The following ASCC2 variants were observed in gnomAD, a reference collection of about 807,000 sequenced individuals.
The protein encoded by ASCC2 is activating signal cointegrator 1 complex subunit 2.
In ASCC2, 42 loss-of-function variants were observed where a neutral mutation model predicts 93.5. The ratio of observed to expected loss-of-function variants is 0.45; its 90% CI spans 0.35 to 0.58. ASCC2 has a LOEUF of 0.58. Ranked by LOEUF, ASCC2 falls within the 20% of genes least tolerant of loss-of-function variation. The pLI, the probability that ASCC2 is intolerant of heterozygous loss-of-function variation, is 0.00. For synonymous variants in ASCC2, 364 were observed against 384.2 expected, an observed-to-expected ratio of 0.95 and a Z score of 0.62; for missense variants, 859 against 977.6, an observed-to-expected ratio of 0.88 and a Z score of 1.62.
chr22:29,812,272 G>A (rs2147927727), intron 8 of ASCC2, among the ~76,000 whole-genome samples: 1 of 152,298 alleles, frequency 6.6e-6, no homozygotes, highest in South Asian at 2.1e-4. Context: ...TCTTGCTAGA[G>A]TGACAATCAG....
At chr22:29,832,194 A>G in intron 2 of ASCC2, 51 bp downstream of exon 2, 1 of 1,507,542 alleles carries the variant, frequency 6.6e-7, no homozygotes, top group Non-Finnish European at 9.2e-7. Context: ...TTGCTCCTGA[A>G]ATTGCAAGAC....
Position 29,792,432 on chromosome 22 carries a change from C to A in ASCC2, c.2022+1G>T. The stretch of plus-strand genomic sequence containing the variant: ...TCATCTGCTACCTGCCAGGGAGGTA[C>A]CTTGGGAGCCTCCTCGTCAGCATCG... On this transcript the variant is annotated splice_donor_variant, in intron 18 of 19. Transcript: ENST00000307790. LOFTEE classifies it high-confidence loss of function. The A allele has an allele frequency of 6.2e-7, 1 of 1,613,850 alleles. No individual in the cohort carries two copies. The highest frequency in any genetic ancestry group is 8.5e-7 in the Non-Finnish European group (1 of 1,179,822).
chr22:29,832,443 C>T, intron 1 of ASCC2, 101 bp from the exon 2 acceptor site: 1 of 919,444 alleles, frequency 1.1e-6, no homozygotes, highest in Non-Finnish European at 1.7e-6. Context: ...AAGCTTCAAC[C>T]TCTCGCCTTA....
intron 13 of ASCC2, among the ~76,000 whole-genome samples, chr22:29,802,492 C>CA (rs67064044): frequency 5.7e-4 from 83 of 146,690 alleles, no homozygotes; most frequent in Middle Eastern, 3.6e-3. Context: ...GGAAAATAAA[C>CA]AAAAAAAAAA....
chr22:29,822,130 A>G lies in ASCC2; in HGVS notation c.541+205T>C, dbSNP rs2061643235. The G allele has an allele frequency of 6.3e-6, 4 of 638,870 alleles. No individual in the cohort carries two copies. In the Admixed American group the frequency reaches 1.1e-4, roughly 17 times the overall value. 39.6% of individuals were successfully genotyped at this position (638,870 alleles called of 1,614,324 possible). A position where few individuals can be genotyped will look rare whatever the true frequency, so the allele number is the denominator to read the frequency against. On this transcript the variant is annotated intron_variant, in intron 5 of 19. Coordinates refer to ENST00000307790, the MANE Select transcript of ASCC2 (RefSeq NM_032204.5). ...AGATCCCTGGGGAACTGTCTGGTACACAGTTTTATTTCCACCTCCCTAGGT... is the reference window on the plus strand; with the variant it reads ...AGATCCCTGGGGAACTGTCTGGTACGCAGTTTTATTTCCACCTCCCTAGGT...
At chr22:29,834,112 T>C (rs1257514567) in intron 1 of ASCC2, 1 of 171,628 alleles carries the variant, frequency 5.8e-6, no homozygotes, top group Non-Finnish European at 1.2e-5. Context: ...ATTATCCTCA[T>C]TTTATCAGTG....
intron 4 of ASCC2, among the ~76,000 whole-genome samples, chr22:29,824,207 A>G (rs138370684): frequency 0.014 from 2,099 of 151,734 alleles, 45 homozygotes; most frequent in African/African-American, 0.048. Context: ...GGAAGAGAAA[A>G]TGTCCATATT....
intron 5 of ASCC2, among the ~76,000 whole-genome samples, chr22:29,820,373 A>C (rs1281721038): frequency 6.6e-6 from 1 of 151,946 alleles, no homozygotes; most frequent in Non-Finnish European, 1.5e-5. Flanking sequence ...TATGTCGGCC[A>C]GATTGGTCAC....
chr22:29,838,052 G>A (rs1218259887), intron 1 of ASCC2, 126 bp downstream of exon 1: 4 of 412,858 alleles, frequency 9.7e-6, no homozygotes, highest in African/African-American at 6.2e-5. Flanking sequence ...CAACCCCTCA[G>A]GTAGCGTAAG....
intron 11 of ASCC2, 22 bp from the exon 12 acceptor site, chr22:29,806,312 T>A (rs758201909): frequency 6.2e-7 from 1 of 1,612,634 alleles, no homozygotes. Context: ...TGAGAGCAGA[T>A]GGGATGGACA....
intron 5 of ASCC2, chr22:29,816,856 C>T (rs531016777): frequency 7.9e-5 from 12 of 152,066 alleles, no homozygotes; most frequent in Non-Finnish European, 1.3e-4. Context: ...AGCTTGGGGA[C>T]GTGACAATGT....
chr22:29,825,523 G>C lies in ASCC2; in HGVS notation c.240+99C>G. ...TGTTAAGGATCCAGTGAAAGAAGTA[G>C]ACAAAAAAGCACCTCCTAGGGGAAG... On this transcript the variant is annotated intron_variant, in intron 3 of 19. Transcript: ENST00000307790. This position sits in a 1 kb window ranked among gnomAD's most constrained non-coding sequence, Gnocchi z 4.9. 3 of 1,532,600 alleles carry C rather than the reference G, an allele frequency of 2.0e-6. No homozygotes were observed. The allele number at this position is 1,532,600 out of a possible 1,614,324, so 94.9% of individuals were successfully genotyped here.
chr22:29,813,512 C>T lies in ASCC2; in HGVS notation c.751G>A (p.Asp251Asn). 6.2e-7 allele frequency: 1 copy of T among 1,613,972 alleles called. No individual in the cohort carries two copies. The highest frequency in any genetic ancestry group is 8.5e-7 in the Non-Finnish European group (1 of 1,179,860). Residue 251 changes from aspartate to asparagine, a missense_variant, in exon 8 of 20, where the codon GAT becomes AAT. Asp to Asn is a conservative substitution (Grantham distance 23). Coordinates refer to ENST00000307790, the MANE Select transcript of ASCC2 (RefSeq NM_032204.5). ...ELKDIVLYLC[D>N]TCTTLWAFLD... is the part of the protein sequence containing the mutation. Reference sequence around the variant, plus strand: ...AAGGCCCAAAGTGTGGTGCAGGTATCACAAAGGTAGAGAACAATGTCCTTT... The same window carrying T: ...AAGGCCCAAAGTGTGGTGCAGGTATTACAAAGGTAGAGAACAATGTCCTTT...
intron 8 of ASCC2, among the ~76,000 whole-genome samples, chr22:29,811,204 T>C (rs1328518371): frequency 6.6e-6 from 1 of 152,196 alleles, no homozygotes; most frequent in Non-Finnish European, 1.5e-5. Context: ...ATGCAAACAG[T>C]AAATACTCAT....
intron 12 of ASCC2, 74 bp from the exon 13 acceptor site, chr22:29,804,904 G>C (rs2074706): frequency 0.37 from 554,513 of 1,499,940 alleles, 108,913 homozygotes; most frequent in East Asian, 0.64. Flanking sequence ...TCCCTCCCCA[G>C]CATCTGACCA....
At chr22:29,836,686 G>A (rs562701583) in intron 1 of ASCC2, among the ~76,000 whole-genome samples, 27 of 152,068 alleles carry the variant, frequency 1.8e-4, no homozygotes, top group East Asian at 1.4e-3. Context: ...TCAGCCTCCC[G>A]AGTAGCTGGG....
intron 2 of ASCC2, among the ~76,000 whole-genome samples, chr22:29,826,661 A>G (rs2062375200): frequency 6.6e-6 from 1 of 152,142 alleles, no homozygotes; most frequent in Non-Finnish European, 1.5e-5. Flanking sequence ...TGACACAAGC[A>G]TCTTTTCTTT....
At chr22:29,835,389 C>T (rs1354706631) in intron 1 of ASCC2, among the ~76,000 whole-genome samples, 1 of 151,302 alleles carries the variant, frequency 6.6e-6, no homozygotes, top group African/African-American at 2.4e-5. Flanking sequence ...CAGAGCAAGA[C>T]CCTGTCCCAA....
intron 5 of ASCC2, 101 bp downstream of exon 5, chr22:29,822,234 C>A: frequency 6.6e-7 from 1 of 1,507,810 alleles, no homozygotes; most frequent in Non-Finnish European, 9.0e-7. Context: ...CCCCTATCGC[C>A]CTGAGTCCCT....
Sources: allele counts gnomAD v4.1 joint callset (sites outside exome capture counted in the v4.1 genomes callset), GRCh38; gene constraint gnomAD v4.1.1; non-coding constraint Gnocchi (gnomAD v3.1); transcripts MANE v1.5; gene names NCBI Gene and HGNC (gene_info 2026-07-23, HGNC 2026-07-21).